CHLSN: variants seen among roughly 807,000 people sequenced by gnomAD.
CHLSN encodes cholesin.
chr7:1,004,826 A>G, the CHLSN span, among the ~76,000 whole-genome samples: 1 of 152,174 alleles, frequency 6.6e-6, no homozygotes, highest in African/African-American at 2.4e-5. Flanking sequence ...TTGGAAAAGG[A>G]AAGAGAGCAG....
chr7:1,107,909 G>C, the CHLSN span, among the ~76,000 whole-genome samples: 1 of 145,826 alleles, frequency 6.9e-6, no homozygotes, highest in African/African-American at 2.7e-5. Context: ...AGGAAGCAGA[G>C]GAGGGCTGTG....
chr7:1,054,049 T>C, the CHLSN span, among the ~76,000 whole-genome samples: 2 of 152,188 alleles, frequency 1.3e-5, no homozygotes, highest in Non-Finnish European at 2.9e-5. Context: ...CCTGCCTTCC[T>C]TCCATGCCTC....
chr7:1,010,853 G>A, the CHLSN span, among the ~76,000 whole-genome samples: 32 of 152,242 alleles, frequency 2.1e-4, no homozygotes, highest in East Asian at 1.2e-3. Context: ...CACATGCTTC[G>A]TCTTTTTTGG....
the CHLSN span, among the ~76,000 whole-genome samples, chr7:1,071,884 C>T: frequency 6.6e-6 from 1 of 152,198 alleles, no homozygotes; most frequent in South Asian, 2.1e-4. Flanking sequence ...AGGAGGGCTT[C>T]GGCACCCAAG....
the CHLSN span, chr7:1,025,471 G>A: frequency 6.6e-6 from 1 of 152,426 alleles, no homozygotes; most frequent in African/African-American, 2.4e-5. Flanking sequence ...GCACAAGTCA[G>A]GTCAGGGAGG....
At chr7:1,019,633 A>G in the CHLSN span, among the ~76,000 whole-genome samples, 1 of 152,226 alleles carries the variant, frequency 6.6e-6, no homozygotes, top group African/African-American at 2.4e-5. Flanking sequence ...GCGCAGGCCT[A>G]GTGGCTGCAG....
At chr7:1,067,450 T>G in the CHLSN span, among the ~76,000 whole-genome samples, 1 of 12,702 alleles carries the variant, frequency 7.9e-5, no homozygotes, top group Admixed American at 5.0e-4. Context: ...AGTCTGTTGG[T>G]GGAGGCTGGA....
the CHLSN span, chr7:985,214 C>T: frequency 9.6e-6 from 15 of 1,557,748 alleles, no homozygotes; most frequent in Non-Finnish European, 1.3e-5. Context: ...TCCAATATCA[C>T]CTTCGCGCTC....
chr7:1,019,956 C>T, the CHLSN span, among the ~76,000 whole-genome samples: 5 of 152,242 alleles, frequency 3.3e-5, no homozygotes, highest in African/African-American at 9.6e-5. Context: ...GGCCACGGGG[C>T]ACCTGGACGA....
the CHLSN span, among the ~76,000 whole-genome samples, chr7:1,012,195 G>A: frequency 0.023 from 3,429 of 152,354 alleles, 128 homozygotes; most frequent in East Asian, 0.19. Context: ...ACACTGTTAG[G>A]GCTGCACAGG....
At chr7:1,088,069 G>GAGAGGAGCCAGAGAGGAGCT in the CHLSN span, 1 of 152,234 alleles carries the variant, frequency 6.6e-6, no homozygotes, top group South Asian at 2.1e-4. This position sits in a 1 kb window ranked among gnomAD's most constrained non-coding sequence, Gnocchi z 4.5. Flanking sequence ...AGAGAGGAGC[G>GAGAGGAGCCAGAGAGGAGCT]GGGCGGAGGG....
chr7:1,135,465 G>GTA, the CHLSN span, among the ~76,000 whole-genome samples: 3 of 151,860 alleles, frequency 2.0e-5, no homozygotes, highest in Non-Finnish European at 4.4e-5. Context: ...CTACATGTGT[G>GTA]TATATATATG....
the CHLSN span, chr7:988,408 T>C: frequency 6.2e-7 from 1 of 1,612,576 alleles, no homozygotes. Flanking sequence ...CCTTCCTGCC[T>C]TTCTCTGCAG....
At chr7:1,018,416 T>C in the CHLSN span, among the ~76,000 whole-genome samples, 1 of 152,180 alleles carries the variant, frequency 6.6e-6, no homozygotes, top group Non-Finnish European at 1.5e-5. Flanking sequence ...GCCTGTGGCG[T>C]CTCAGAGCCT....
chr7:1,072,637 T>C, the CHLSN span, among the ~76,000 whole-genome samples: 1 of 151,794 alleles, frequency 6.6e-6, no homozygotes, highest in African/African-American at 2.4e-5. Flanking sequence ...GCCCTCCTTG[T>C]AGAAAGGCTT....
chr7:1,031,840 C>G, the CHLSN span, among the ~76,000 whole-genome samples: 71 of 97,260 alleles, frequency 7.3e-4, no homozygotes, highest in African/African-American at 2.0e-3. Context: ...TGGTCCGGGG[C>G]GGCAGAGACC....
chr7:1,023,349 G>A, the CHLSN span, among the ~76,000 whole-genome samples: 6 of 152,154 alleles, frequency 3.9e-5, no homozygotes, highest in Non-Finnish European at 5.9e-5. This position sits in a 1 kb window ranked among gnomAD's most constrained non-coding sequence, Gnocchi z 5.0. Flanking sequence ...GGAGGTTAGG[G>A]AAGACGCACA....
At chr7:987,639 C>G in the CHLSN span, 2 of 1,112,750 alleles carry the variant, frequency 1.8e-6, no homozygotes, top group Admixed American at 2.9e-5. Context: ...GATGGCCCAG[C>G]GCTCCCCGAC....
chr7:1,032,285 C>A, the CHLSN span, among the ~76,000 whole-genome samples: 1 of 152,342 alleles, frequency 6.6e-6, no homozygotes, highest in Non-Finnish European at 1.5e-5. Context: ...TGAAGCCCCC[C>A]GCAGGTGGAT....
Sources: gnomAD v4.1 joint callset for allele counts (sites outside exome capture counted in the v4.1 genomes callset) on GRCh38, gnomAD v4.1.1 for gene constraint, Gnocchi (gnomAD v3.1) non-coding constraint, MANE v1.5 for transcripts, NCBI Gene and HGNC (gene_info 2026-07-23, HGNC 2026-07-21) for gene names.